GLDC: variants seen among roughly 807,000 people sequenced by gnomAD.
GLDC encodes glycine dehydrogenase (decarboxylating), mitochondrial.
GLDC carries 104 observed loss-of-function variants against 121.3 expected under a neutral mutation model. The observed-to-expected ratio is 0.86, with a 90% CI of 0.73 to 1.01. The LOEUF is 1.01. GLDC is among the 50% of genes least tolerant of loss of function. The pLI, the probability that GLDC is intolerant of heterozygous loss-of-function variation, is 0.00. For synonymous variants in GLDC, 546 were observed against 480.6 expected, an observed-to-expected ratio of 1.14 and a Z score of -1.78; for missense variants, 1,429 against 1,306.6, an observed-to-expected ratio of 1.09 and a Z score of -1.44.
At chr9:6,552,846 C>G (rs1215952284) in intron 20 of GLDC, among the ~76,000 whole-genome samples, 1 of 152,098 alleles carries the variant, frequency 6.6e-6, no homozygotes, top group Non-Finnish European at 1.5e-5. Context: ...GCAGAGAGCA[C>G]AGCACCACAA....
intron 3 of GLDC, among the ~76,000 whole-genome samples, chr9:6,615,679 C>G (rs1197866660): frequency 6.6e-6 from 1 of 152,000 alleles, no homozygotes; most frequent in Non-Finnish European, 1.5e-5. Flanking sequence ...GGTGCAATCT[C>G]CACTCACTGC....
intron 18 of GLDC, among the ~76,000 whole-genome samples, chr9:6,555,741 G>C (rs555658242): frequency 6.6e-6 from 1 of 152,248 alleles, no homozygotes; most frequent in East Asian, 1.9e-4. Context: ...GCAGTGAGCA[G>C]ACATCGCACC....
At chr9:6,641,789 TACTCTGCAATGA>T (rs1819634972) in intron 2 of GLDC, among the ~76,000 whole-genome samples, 1 of 152,204 alleles carries the variant, frequency 6.6e-6, no homozygotes, top group Non-Finnish European at 1.5e-5. Flanking sequence ...TCACAATCTT[TACTCTGCAATGA>T]AGACATTTAA....
chr9:6,588,283 A>T, intron 14 of GLDC, 118 bp downstream of exon 14: 1 of 807,908 alleles, frequency 1.2e-6, no homozygotes, highest in African/African-American at 1.7e-5. Flanking sequence ...AAGAATTATT[A>T]AAATAGTTCT....
intron 4 of GLDC, among the ~76,000 whole-genome samples, chr9:6,609,815 C>A (rs921570273): frequency 6.6e-6 from 1 of 152,114 alleles, no homozygotes. Flanking sequence ...ACCCTCGCAG[C>A]CCCCAGGCCT....
Position 6,645,267 on chromosome 9 carries a change from ATC to A in GLDC, c.231_232del (p.Glu77AspfsTer11), listed in dbSNP as rs1214974849. On this transcript the variant is annotated frameshift_variant, in exon 1 of 25. Transcript: ENST00000321612. LOFTEE classifies it high-confidence loss of function. ...TACCGCCAGCCCCAAGGTCTGCAGC[ATC>A]TCTCTCTGGTCTTTGTCCCCAGGGC... 1 of 1,601,930 alleles carries A rather than the reference ATC, an allele frequency of 6.2e-7. No homozygotes were observed.
At chr9:6,575,070 C>G (rs187752021) in intron 15 of GLDC, among the ~76,000 whole-genome samples, 1 of 151,868 alleles carries the variant, frequency 6.6e-6, no homozygotes, top group Non-Finnish European at 1.5e-5. Flanking sequence ...GGTGTGGTGG[C>G]GGGCACCTGT....
At chr9:6,641,645 T>G (rs898643065) in intron 2 of GLDC, among the ~76,000 whole-genome samples, 1 of 152,198 alleles carries the variant, frequency 6.6e-6, no homozygotes, top group African/African-American at 2.4e-5. Context: ...TTAATGGTAT[T>G]TTCCTCATAG....
At chr9:6,537,030 ATT>A (rs200094760) in intron 22 of GLDC, among the ~76,000 whole-genome samples, 4,076 of 139,744 alleles carry the variant, frequency 0.029, 70 homozygotes, top group African/African-American at 0.054. Context: ...TCTGTAAAGC[ATT>A]TTTTTTTTTT....
chr9:6,534,934 T>G (rs1817090903), intron 23 of GLDC, 146 bp from the exon 24 acceptor site: 1 of 671,246 alleles, frequency 1.5e-6, no homozygotes, highest in African/African-American at 1.8e-5. Context: ...ACAATGTGAT[T>G]TATAATTGTG....
chr9:6,534,510 T>G (rs1817075082), intron 24 of GLDC, among the ~76,000 whole-genome samples, 198 bp downstream of exon 24: 1 of 152,102 alleles, frequency 6.6e-6, no homozygotes, highest in African/African-American at 2.4e-5. Flanking sequence ...CCCTATGGGT[T>G]CCCAGATCTG....
chr9:6,564,104 C>T (rs753802134), intron 16 of GLDC, among the ~76,000 whole-genome samples: 16 of 151,980 alleles, frequency 1.1e-4, no homozygotes, highest in Non-Finnish European at 2.2e-4. Flanking sequence ...AAAAATTAGC[C>T]GGGCGTGGTG....
intron 22 of GLDC, among the ~76,000 whole-genome samples, chr9:6,536,820 T>G (rs1488203625): frequency 6.6e-6 from 1 of 152,226 alleles, no homozygotes; most frequent in Non-Finnish European, 1.5e-5. Context: ...GGAGCAAATC[T>G]TATTGTCCCC....
intron 16 of GLDC, among the ~76,000 whole-genome samples, chr9:6,562,372 TTTCCCCACACTCCCTGCACATGAC>T (rs1438295250): frequency 3.9e-5 from 6 of 152,106 alleles, no homozygotes; most frequent in Non-Finnish European, 7.4e-5. Context: ...TAGCACATGA[TTTCCCCACACTCCCTGCACATGAC>T]TTCCCCACAC....
At chr9:6,582,753 C>T (rs140939226) in intron 15 of GLDC, among the ~76,000 whole-genome samples, 1,934 of 149,388 alleles carry the variant, frequency 0.013, 29 homozygotes, top group African/African-American at 0.045. Flanking sequence ...GGCGTGAACC[C>T]GGGAGGCGAT....
chr9:6,559,551 G>C (rs1413804299), intron 16 of GLDC, among the ~76,000 whole-genome samples: 1 of 136,668 alleles, frequency 7.3e-6, no homozygotes, highest in Non-Finnish European at 1.5e-5. Flanking sequence ...AGATCAACCT[G>C]GCCGGGCATG....
At chr9:6,608,582 T>TA (rs1395532120) in intron 4 of GLDC, among the ~76,000 whole-genome samples, 2 of 107,244 alleles carry the variant, frequency 1.9e-5, no homozygotes, top group Admixed American at 2.1e-4. Context: ...CTACTAAAAA[T>TA]ACAAAAAAAA....
chr9:6,533,735 G>C (rs1410427246), intron 24 of GLDC, among the ~76,000 whole-genome samples: 1 of 151,752 alleles, frequency 6.6e-6, no homozygotes, highest in Non-Finnish European at 1.5e-5. Flanking sequence ...GCACATGCCT[G>C]TAATCCCAGT....
chr9:6,633,916 G>A (rs1302099976), intron 2 of GLDC, among the ~76,000 whole-genome samples: 1 of 139,452 alleles, frequency 7.2e-6, no homozygotes, highest in African/African-American at 2.8e-5. Flanking sequence ...TGCAAGCTGT[G>A]CCTCCCGGGT....
Sources: allele counts gnomAD v4.1 joint callset (sites outside exome capture counted in the v4.1 genomes callset), GRCh38; gene constraint gnomAD v4.1.1; transcripts MANE v1.5; gene names NCBI Gene and HGNC (gene_info 2026-07-23, HGNC 2026-07-21).